The following CTSH variants were observed in gnomAD, a reference collection of about 807,000 sequenced individuals.
CTSH encodes the protein cathepsin H, also known as pro-cathepsin H.
Under a neutral mutation model 56.3 loss-of-function variants are expected in CTSH, and 52 were observed. The observed-to-expected ratio is 0.92, with a 90% CI of 0.74 to 1.16. The LOEUF (loss-of-function observed/expected upper bound fraction) is 1.16, where lower values mean the gene tolerates loss of function less well. CTSH is among the 50% of genes most tolerant of loss of function. CTSH has a pLI of 0.00. For missense variants in CTSH, 406 were observed against 424.5 expected (o/e 0.96, Z 0.38); for synonymous variants, 174 against 155.7 (o/e 1.12, Z -0.88).
intron 8 of CTSH, among the ~76,000 whole-genome samples, 154 bp from the exon 9 acceptor site, chr15:78,927,935 A>G (rs544174259): frequency 6.6e-6 from 1 of 152,298 alleles, no homozygotes; most frequent in South Asian, 2.1e-4. Context: ...CTTGTCCTCA[A>G]GGAGCTTAGG....
intron 4 of CTSH, among the ~76,000 whole-genome samples, chr15:78,935,422 A>T (rs906948642): frequency 1.3e-5 from 2 of 152,246 alleles, no homozygotes; most frequent in African/African-American, 2.4e-5. Flanking sequence ...CTTGTTGTGT[A>T]TCTGAAATTC....
rs190190228 is a variant in CTSH at position 78,931,108 on chromosome 15, C to T, written c.548+343G>A. On this transcript the variant is annotated intron_variant, in intron 7 of 11. Coordinates refer to ENST00000220166, the MANE Select transcript of CTSH (RefSeq NM_004390.5). ...CAACCCTGTATCTGTGTGTGGATCTCGGGTTTGGAGGATGATGTGTAATGG... is the reference window on the plus strand; with the variant it reads ...CAACCCTGTATCTGTGTGTGGATCTTGGGTTTGGAGGATGATGTGTAATGG... 4.0e-3 allele frequency among the ~76,000 whole-genome samples: 615 copies of T among 152,102 alleles called. 4 individuals carry two copies. The highest frequency in any genetic ancestry group is 0.014 in the African/African-American group (590 of 41,506).
At position 78,941,753 on chromosome 15, in the gene CTSH, G is replaced by A. The variant is rs1026284107; in HGVS notation, c.92-2582C>T. On this transcript the variant is annotated intron_variant, in intron 1 of 11. Coordinates refer to ENST00000220166, the MANE Select transcript of CTSH (RefSeq NM_004390.5). ...GGGGCTTGCAGTGAGCCGAGATCAC[G>A]CCACTGCACTCCAGCCTGGGCGACA... Among the ~76,000 whole-genome samples the A allele has an allele frequency of 6.0e-4, 88 of 145,850 alleles. 1 individual carries two copies. The highest frequency in any genetic ancestry group is 2.2e-3 in the African/African-American group (86 of 39,700).
chr15:78,930,750 C>T (rs1006840879), intron 7 of CTSH, among the ~76,000 whole-genome samples: 1 of 151,966 alleles, frequency 6.6e-6, no homozygotes, highest in African/African-American at 2.4e-5. Context: ...AGCACGGCTC[C>T]CTGCAGGAGG....
At chr15:78,938,109 C>T (rs2055214191) in intron 2 of CTSH, among the ~76,000 whole-genome samples, 1 of 152,208 alleles carries the variant, frequency 6.6e-6, no homozygotes, top group African/African-American at 2.4e-5. Flanking sequence ...TGGCTCACGC[C>T]TGTAATCCCA....
At chr15:78,925,182 G>A (rs2054876022) in intron 10 of CTSH, 152 bp downstream of exon 10, 2 of 583,350 alleles carry the variant, frequency 3.4e-6, no homozygotes, top group Admixed American at 2.7e-5. Context: ...ATTAACTGAG[G>A]GATGTGCAAA....
chr15:78,931,692 C>G, intron 6 of CTSH, 186 bp from the exon 7 acceptor site: 1 of 1,463,436 alleles, frequency 6.8e-7, no homozygotes, highest in Non-Finnish European at 9.0e-7. Context: ...AGCCCAGCAG[C>G]TGGCACATGT....
intron 9 of CTSH, 99 bp downstream of exon 9, chr15:78,927,614 A>G (rs1420508053): frequency 9.7e-7 from 1 of 1,033,150 alleles, no homozygotes; most frequent in Non-Finnish European, 1.5e-6. Context: ...ATGTGCTGCC[A>G]GAAGGGCTGC....
intron 4 of CTSH, 121 bp downstream of exon 4, chr15:78,935,559 G>T (rs879720998): frequency 2.6e-6 from 2 of 767,552 alleles, no homozygotes; most frequent in Non-Finnish European, 4.2e-6. Flanking sequence ...AAGAATCTGG[G>T]GATACCCTCA....
intron 4 of CTSH, 100 bp from the exon 5 acceptor site, chr15:78,935,182 A>G (rs1221765080): frequency 1.3e-6 from 1 of 781,342 alleles, no homozygotes; most frequent in Non-Finnish European, 2.1e-6. Context: ...TCACCAAGAG[A>G]GAATAAGAAA....
Position 78,927,747 on chromosome 15 carries a change from A to G in CTSH, c.665T>C (p.Ile222Thr). The change falls in exon 9 of 12, where the codon ATC (isoleucine) becomes ACC (threonine). Residue 222 changes from isoleucine (I) to threonine (T), a missense_variant. Transcript: ENST00000220166. Reference protein sequence around the residue: ...GYCKFQPGKAIGFVKDVANIT... With the variant: ...GYCKFQPGKATGFVKDVANIT... ...GTTGGCTACATCCTTGACAAAGCCGATGGCCTTTCCAGGTTGGAACTTGCA... is the reference window on the plus strand; with the variant it reads ...GTTGGCTACATCCTTGACAAAGCCGGTGGCCTTTCCAGGTTGGAACTTGCA... The G allele has an allele frequency of 6.2e-7, 1 of 1,614,206 alleles. No homozygotes were observed.
At chr15:78,934,921 GT>G in intron 5 of CTSH, 56 bp downstream of exon 5, 1 of 1,098,722 alleles carries the variant, frequency 9.1e-7, no homozygotes, top group Non-Finnish European at 1.4e-6. Context: ...TCTTCCTGGT[GT>G]ATTGTCTGGG....
chr15:78,933,436 G>T (rs780214626), intron 5 of CTSH: 19 of 381,850 alleles, frequency 5.0e-5, no homozygotes, highest in Non-Finnish European at 8.7e-5. Context: ...TCACCTTGCT[G>T]GTTCAGTCTT....
Position 78,935,732 on chromosome 15 carries a change from G to A in CTSH, c.248C>T (p.Ser83Leu). 1.2e-6 allele frequency: 2 copies of A among 1,611,124 alleles called. No individual in the cohort carries two copies. Among genetic ancestry groups the A allele is most frequent in the African/African-American group, 2.7e-5 (2 of 75,024 alleles). Residue 83 changes from serine to leucine, a missense_variant, in exon 4 of 12, where the codon TCA becomes TTA. Physicochemically the swap from Ser to Leu is moderately radical, Grantham distance 145. Transcript: ENST00000220166. ...HTFKMALNQF[S>L]DMSFAEIKHK... Reference sequence around the variant, plus strand: ...TTTTATTTCAGCAAAGCTCATGTCTGAAAATTGGTTCAGTGCCACTACAAA... The same window carrying A: ...TTTTATTTCAGCAAAGCTCATGTCTAAAAATTGGTTCAGTGCCACTACAAA...
Position 78,944,985 on chromosome 15 carries a change from A to T in CTSH, c.-4T>A, listed in dbSNP as rs963911829. On this transcript the variant is annotated 5_prime_UTR_variant, in exon 1 of 12. Transcript: ENST00000220166. ...GCAGCGGCAGCGTGGCCCACATCGC[A>T]GCGCTGGCGGCTTGGCTCTTGCGCT... The T allele has an allele frequency of 6.5e-7, 1 of 1,531,594 alleles. No homozygotes were observed. Among genetic ancestry groups the T allele is most frequent in the East Asian group, 2.5e-5 (1 of 39,588 alleles). 94.9% of individuals were successfully genotyped at this position (1,531,594 alleles called of 1,614,324 possible). A position where few individuals can be genotyped will look rare whatever the true frequency, so the allele number is the denominator to read the frequency against.
chr15:78,929,996 A>G (rs2055014506), intron 7 of CTSH, among the ~76,000 whole-genome samples: 1 of 152,160 alleles, frequency 6.6e-6, no homozygotes, highest in Admixed American at 6.5e-5. Flanking sequence ...CAGAATAAAC[A>G]AAAACTCAGC....
intron 1 of CTSH, among the ~76,000 whole-genome samples, chr15:78,940,883 T>C (rs10152587): frequency 0.51 from 77,169 of 151,948 alleles, 22,818 homozygotes; most frequent in Non-Finnish European, 0.68. Context: ...CGCTTGAACC[T>C]GAGAGGCGGA....
intron 9 of CTSH, 59 bp downstream of exon 9, chr15:78,927,654 A>C (rs1449399147): frequency 1.3e-6 from 2 of 1,503,570 alleles, no homozygotes; most frequent in East Asian, 4.5e-5. Context: ...ATCCGACAGC[A>C]TGAGAGAGGC....
intron 2 of CTSH, among the ~76,000 whole-genome samples, chr15:78,938,047 T>G (rs75564875): frequency 0.29 from 42,041 of 147,496 alleles, 6,790 homozygotes; most frequent in East Asian, 0.5. Flanking sequence ...AATCTACTTG[T>G]TTTTTGAACA....
Sources: gnomAD v4.1 joint callset for allele counts (sites outside exome capture counted in the v4.1 genomes callset) on GRCh38, gnomAD v4.1.1 for gene constraint, MANE v1.5 for transcripts, NCBI Gene and HGNC (gene_info 2026-07-23, HGNC 2026-07-21) for gene names.